Variants in PANK2 observed in about 807,000 individuals in gnomAD.
PANK2 encodes the protein pantothenate kinase 2.
In PANK2, 36 loss-of-function variants were observed where a neutral mutation model predicts 43.1. The observed-to-expected ratio is 0.84, with a 90% CI of 0.64 to 1.10. The LOEUF (loss-of-function observed/expected upper bound fraction) is 1.10. Among genes scored for constraint, PANK2 ranks in the 50% least tolerant of loss-of-function variants. The pLI is 0.00. For synonymous variants in PANK2, 281 were observed against 238.2 expected (o/e 1.18, Z -1.66); for missense variants, 576 against 593.3 (o/e 0.97, Z 0.30).
At chr20:3,895,498 CT>C (rs1431212995) in intron 1 of PANK2, among the ~76,000 whole-genome samples, 2 of 81,782 alleles carry the variant, frequency 2.4e-5, no homozygotes, top group African/African-American at 8.5e-5. Flanking sequence ...TTTTTTTTTT[CT>C]TTTTTTTTTT....
At chr20:3,900,542 C>T (rs1018751815) in intron 1 of PANK2, among the ~76,000 whole-genome samples, 3 of 151,926 alleles carry the variant, frequency 2.0e-5, no homozygotes, top group Non-Finnish European at 4.4e-5. Context: ...TCAACTCCTC[C>T]TCATGGTGTG....
At chr20:3,914,770 T>C (rs1230143150) in intron 4 of PANK2, among the ~76,000 whole-genome samples, 1 of 151,966 alleles carries the variant, frequency 6.6e-6, no homozygotes, top group Non-Finnish European at 1.5e-5. Context: ...CCAACATGCC[T>C]GGCTAATTTC....
intron 4 of PANK2, among the ~76,000 whole-genome samples, chr20:3,915,214 A>C (rs1263610329): frequency 7.1e-6 from 1 of 140,426 alleles, no homozygotes; most frequent in Non-Finnish European, 1.6e-5. Context: ...AGAATTGCCT[A>C]ATTTAAGATC....
At chr20:3,906,363 G>T (rs924860817) in intron 1 of PANK2, among the ~76,000 whole-genome samples, 4 of 152,168 alleles carry the variant, frequency 2.6e-5, no homozygotes, top group Admixed American at 6.5e-5. Context: ...GGCAGAGGTT[G>T]CAGTGAGCTG....
chr20:3,891,375 AAG>A (rs1324101429), intron 1 of PANK2: 2 of 152,122 alleles, frequency 1.3e-5, no homozygotes, highest in African/African-American at 4.8e-5. Context: ...GTCGTCTACT[AAG>A]AGCTTTGGTA....
At chr20:3,889,204 C>T (rs769505139), upstream of PANK2, 15 of 1,612,522 alleles carry the variant, frequency 9.3e-6, no homozygotes, top group African/African-American at 6.7e-5. Flanking sequence ...ACCCGGATCC[C>T]CTCCTCCACC....
chr20:3,903,791 C>G (rs566809733), intron 1 of PANK2, among the ~76,000 whole-genome samples: 1 of 151,986 alleles, frequency 6.6e-6, no homozygotes, highest in East Asian at 1.9e-4. Context: ...CCACGCCCGG[C>G]TAATTTTTTT....
chr20:3,889,575 C>T lies in PANK2; in HGVS notation c.145C>T (p.Arg49Trp), dbSNP rs2090078519. 5 of 1,459,646 alleles carry T rather than the reference C, an allele frequency of 3.4e-6. No individual in the cohort carries two copies. The East Asian group carries it at 8.4e-5, about 24-fold the overall frequency. The allele number at this position is 1,459,646 out of a possible 1,614,324, so 90.4% of individuals were successfully genotyped here. Residue 49 changes from arginine (R) to tryptophan (W), a missense_variant, in exon 1 of 7, where the codon CGG becomes TGG. By Grantham distance (101) the Arg-to-Trp change is moderately radical. This residue lies in a region of PANK2 where 544 missense variants were observed against 528.9 expected (regional missense o/e 1.03). Transcript: ENST00000610179. Reference sequence around the variant, plus strand: ...GGCGGCCGGGGACCCCGAAGGGCGGCGGCAGGAGCCACTGCGGCGCCGGGC... The same window carrying T: ...GGCGGCCGGGGACCCCGAAGGGCGGTGGCAGGAGCCACTGCGGCGCCGGGC...
intron 6 of PANK2, among the ~76,000 whole-genome samples, chr20:3,920,142 TTTTCTGCTTTA>T (rs2090623864): frequency 6.6e-6 from 1 of 152,272 alleles, no homozygotes; most frequent in South Asian, 2.1e-4. Context: ...TGTTAGATCT[TTTTCTGCTTTA>T]TTTCTGCCTC....
intron 1 of PANK2, among the ~76,000 whole-genome samples, chr20:3,902,027 C>T (rs2090309632): frequency 6.6e-6 from 1 of 151,952 alleles, no homozygotes; most frequent in South Asian, 2.1e-4. Context: ...AAGTTGTCTT[C>T]CCCTTCTCTG....
At chr20:3,891,259 T>C (rs2090118687) in intron 1 of PANK2, 1 of 152,346 alleles carries the variant, frequency 6.6e-6, no homozygotes, top group South Asian at 2.1e-4. Flanking sequence ...GGATCTCTTA[T>C]GTTGCCCAGG....
chr20:3,902,156 C>T (rs1046857209), intron 1 of PANK2, among the ~76,000 whole-genome samples: 5 of 150,680 alleles, frequency 3.3e-5, no homozygotes, highest in African/African-American at 1.2e-4. Context: ...ATATTCTCTC[C>T]CTCTCTCTTT....
chr20:3,889,261 C>T, upstream of PANK2: 2 of 1,612,422 alleles, frequency 1.2e-6, no homozygotes, highest in Non-Finnish European at 1.7e-6. Flanking sequence ...GACGGAGGCA[C>T]GGTCAATCCT....
chr20:3,916,375 C>T (rs1223037247), intron 4 of PANK2, among the ~76,000 whole-genome samples: 2 of 152,182 alleles, frequency 1.3e-5, no homozygotes, highest in East Asian at 1.9e-4. Context: ...AACATTTGCT[C>T]GTTGGTCATC....
chr20:3,892,659 G>A (rs2090142991), intron 1 of PANK2, among the ~76,000 whole-genome samples: 1 of 134,428 alleles, frequency 7.4e-6, no homozygotes. Flanking sequence ...CTGGGCGACA[G>A]AGCGACTCTG....
Position 3,923,366 on chromosome 20 carries a change from T to G in PANK2, c.*72T>G, listed in dbSNP as rs1325182862. 1 of 1,488,922 alleles carries G rather than the reference T, an allele frequency of 6.7e-7. No homozygotes were observed. Among genetic ancestry groups the G allele is most frequent in the East Asian group, 2.3e-5 (1 of 44,282 alleles). The allele number at this position is 1,488,922 out of a possible 1,614,324, so 92.2% of individuals were successfully genotyped here. A position where few individuals can be genotyped will look rare whatever the true frequency, so the allele number is the denominator to read the frequency against. ...TGGACTTTCATTTTTTTAAGAGACT[T>G]ACTCAATTTCATGACTGTACTACCT... is the stretch of plus-strand genomic sequence containing the variant. On this transcript the variant is annotated 3_prime_UTR_variant, in exon 7 of 7. Coordinates refer to ENST00000610179, the MANE Select transcript of PANK2 (RefSeq NM_001386393.1).
intron 6 of PANK2, 67 bp from the exon 7 acceptor site, chr20:3,923,177 T>C: frequency 6.4e-7 from 1 of 1,556,586 alleles, no homozygotes; most frequent in Non-Finnish European, 8.9e-7. Context: ...ACACTAGTCA[T>C]CATGTGTAAG....
rs1049396152 is a variant in PANK2 at position 3,923,970 on chromosome 20, A to T, written c.*676A>T. ...GGACTGTTCTGATGCAAGTGGGTAC[A>T]CTGGCAGAAGCAGCACAATCTGGAG... On this transcript the variant is annotated 3_prime_UTR_variant, in exon 7 of 7. Transcript: ENST00000610179. The T allele has an allele frequency of 1.3e-5, 2 of 152,958 alleles. No homozygotes were observed. The highest frequency in any genetic ancestry group is 4.8e-5 in the African/African-American group (2 of 41,456). 9.5% of individuals were successfully genotyped at this position (152,958 alleles called of 1,614,324 possible).
At chr20:3,905,716 CCT>C (rs2090375128) in intron 1 of PANK2, among the ~76,000 whole-genome samples, 1 of 146,458 alleles carries the variant, frequency 6.8e-6, no homozygotes, top group African/African-American at 2.5e-5. Flanking sequence ...AAACCCACAC[CCT>C]TTTTTTTTTT....
Sources: allele counts gnomAD v4.1 joint callset (sites outside exome capture counted in the v4.1 genomes callset), GRCh38; gene constraint gnomAD v4.1.1; regional missense constraint gnomAD v4.1.1; transcripts MANE v1.5; gene names NCBI Gene and HGNC (gene_info 2026-07-23, HGNC 2026-07-21).